GMDS: variants seen among roughly 807,000 people sequenced by gnomAD.
The protein encoded by GMDS is GDP-mannose 4,6 dehydratase.
Under a neutral mutation model 49.9 loss-of-function variants are expected in GMDS, and 20 were observed. The observed-to-expected ratio is 0.40, with a 90% CI of 0.28 to 0.58. The LOEUF is 0.58. Ranked by LOEUF, GMDS falls within the 20% of genes least tolerant of loss-of-function variation. The pLI, the probability that GMDS is intolerant of heterozygous loss-of-function variation, is 0.42. For synonymous variants in GMDS, 177 were observed against 178.6 expected, an observed-to-expected ratio of 0.99 and a Z score of 0.07; for missense variants, 362 against 481.4, an observed-to-expected ratio of 0.75 and a Z score of 2.32.
chr6:2,055,293 CATATATTTCCCTAAAAGGAT>C (rs1770714818), intron 4 of GMDS, among the ~76,000 whole-genome samples: 1 of 151,806 alleles, frequency 6.6e-6, no homozygotes, highest in Non-Finnish European at 1.5e-5. Context: ...AGGCAGAAGA[CATATATTTCCCTAAAAGGAT>C]ATAAGTCATA....
intron 8 of GMDS, among the ~76,000 whole-genome samples, chr6:1,738,817 G>A (rs1007869207): frequency 2.6e-5 from 4 of 152,222 alleles, no homozygotes; most frequent in African/African-American, 7.2e-5. Flanking sequence ...CCATGTTCTC[G>A]GCTGAATGCA....
intron 4 of GMDS, among the ~76,000 whole-genome samples, chr6:1,989,432 C>A (rs1434588497): frequency 6.6e-6 from 1 of 152,064 alleles, no homozygotes; most frequent in East Asian, 1.9e-4. Flanking sequence ...GAGAGGGTAA[C>A]CCTGAGATCC....
At chr6:1,925,409 A>C (rs1156734407) in intron 7 of GMDS, among the ~76,000 whole-genome samples, 1 of 152,186 alleles carries the variant, frequency 6.6e-6, no homozygotes, top group Non-Finnish European at 1.5e-5. Flanking sequence ...TCATTGTGAA[A>C]ATTTTTACAA....
chr6:1,931,691 T>G (rs1762294111), intron 6 of GMDS, among the ~76,000 whole-genome samples: 1 of 152,272 alleles, frequency 6.6e-6, no homozygotes, highest in African/African-American at 2.4e-5. Flanking sequence ...ATTATTTCAA[T>G]GTCAGGACTA....
intron 7 of GMDS, among the ~76,000 whole-genome samples, chr6:1,813,585 T>C (rs1048196715): frequency 6.6e-6 from 1 of 152,314 alleles, no homozygotes; most frequent in Admixed American, 6.5e-5. Context: ...TCTAGATAGC[T>C]AATAATGGAT....
At chr6:2,233,758 G>A (rs921051311) in intron 1 of GMDS, among the ~76,000 whole-genome samples, 4 of 152,168 alleles carry the variant, frequency 2.6e-5, no homozygotes, top group South Asian at 4.1e-4. Context: ...GGGGGGCGCC[G>A]AAGTTGCAGT....
At chr6:2,136,719 C>CA (rs554948653) in intron 1 of GMDS, among the ~76,000 whole-genome samples, 11 of 150,708 alleles carry the variant, frequency 7.3e-5, no homozygotes, top group East Asian at 3.9e-4. Context: ...GACCATGTAC[C>CA]AAAAAAAACA....
intron 1 of GMDS, among the ~76,000 whole-genome samples, chr6:2,217,719 G>C (rs1482177342): frequency 6.6e-6 from 1 of 152,080 alleles, no homozygotes; most frequent in Non-Finnish European, 1.5e-5. Flanking sequence ...TAGTGGCTTT[G>C]CATGTTAATA....
At chr6:1,847,365 T>C (rs1027789360) in intron 7 of GMDS, among the ~76,000 whole-genome samples, 2 of 152,186 alleles carry the variant, frequency 1.3e-5, no homozygotes, top group Non-Finnish European at 2.9e-5. Context: ...AAATATTCTT[T>C]AAGAAATCTA....
chr6:1,722,807 G>C (rs1203049296), intron 9 of GMDS, among the ~76,000 whole-genome samples: 3 of 152,188 alleles, frequency 2.0e-5, no homozygotes, highest in African/African-American at 4.8e-5. Flanking sequence ...CTGTGCATCA[G>C]TGTATGCATG....
At chr6:2,071,742 G>A (rs900998195) in intron 4 of GMDS, among the ~76,000 whole-genome samples, 7 of 150,906 alleles carry the variant, frequency 4.6e-5, no homozygotes, top group Non-Finnish European at 8.8e-5. Context: ...CTCCATTCAC[G>A]GACCTGTAGT....
chr6:1,989,591 G>A (rs751021012), intron 4 of GMDS, among the ~76,000 whole-genome samples: 13 of 152,112 alleles, frequency 8.5e-5, no homozygotes, highest in Non-Finnish European at 1.3e-4. Flanking sequence ...TCTTTGAAAC[G>A]CAAAAAAGCT....
chr6:1,663,786 T>C (rs1056550598), intron 9 of GMDS, among the ~76,000 whole-genome samples: 1 of 152,172 alleles, frequency 6.6e-6, no homozygotes, highest in African/African-American at 2.4e-5. Flanking sequence ...TCTGCTGAAA[T>C]GTCTCATCAG....
chr6:2,074,598 A>C (rs950932813), intron 4 of GMDS, among the ~76,000 whole-genome samples: 3 of 152,142 alleles, frequency 2.0e-5, no homozygotes, highest in Non-Finnish European at 4.4e-5. Context: ...CAACATCCTT[A>C]AGTGTTTTCC....
At chr6:1,977,666 G>T (rs1764984962) in intron 4 of GMDS, among the ~76,000 whole-genome samples, 1 of 152,182 alleles carries the variant, frequency 6.6e-6, no homozygotes, top group Non-Finnish European at 1.5e-5. Flanking sequence ...ATGGAGGCAA[G>T]GGAACCCCCA....
intron 7 of GMDS, among the ~76,000 whole-genome samples, chr6:1,897,160 G>T (rs1418477988): frequency 6.6e-6 from 1 of 152,132 alleles, no homozygotes; most frequent in Admixed American, 6.6e-5. Context: ...CCACAGGTTT[G>T]GTTTCTCCTG....
chr6:2,198,560 CA>C (rs749275809), intron 1 of GMDS, among the ~76,000 whole-genome samples: 4,510 of 78,138 alleles, frequency 0.058, 176 homozygotes, highest in African/African-American at 0.16. Flanking sequence ...AACAAATAAA[CA>C]AAAAAAAAAA....
chr6:1,923,335 A>G (rs1302108396), intron 7 of GMDS, among the ~76,000 whole-genome samples: 1 of 152,200 alleles, frequency 6.6e-6, no homozygotes, highest in African/African-American at 2.4e-5. Context: ...TCGCTGGCAG[A>G]GGGCAGCTGC....
intron 7 of GMDS, among the ~76,000 whole-genome samples, chr6:1,855,560 T>C (rs1016868730): frequency 3.3e-5 from 5 of 152,178 alleles, no homozygotes; most frequent in Non-Finnish European, 7.3e-5. Flanking sequence ...ACCTGACTTG[T>C]TATGTAAACA....
Sources: gnomAD v4.1 joint callset for allele counts (sites outside exome capture counted in the v4.1 genomes callset) on GRCh38, gnomAD v4.1.1 for gene constraint, MANE v1.5 for transcripts, NCBI Gene and HGNC (gene_info 2026-07-23, HGNC 2026-07-21) for gene names.